Variants in AMPH observed in about 807,000 individuals in gnomAD.
The protein encoded by AMPH is amphiphysin.
AMPH carries 49 observed loss-of-function variants against 99.1 expected under a neutral mutation model. The observed-to-expected ratio is 0.49, with a 90% confidence interval of 0.39 to 0.63. The LOEUF (loss-of-function observed/expected upper bound fraction) is 0.63. Among genes scored for constraint, AMPH ranks in the 20% least tolerant of loss-of-function variants. The pLI, the probability that AMPH is intolerant of heterozygous loss-of-function variation, is 0.00. For synonymous variants in AMPH, 314 were observed against 317.3 expected (o/e 0.99, Z 0.11); for missense variants, 759 against 863.4 (o/e 0.88, Z 1.52).
chr7:38,447,277 C>A (rs1786824235), intron 11 of AMPH, among the ~76,000 whole-genome samples: 1 of 152,126 alleles, frequency 6.6e-6, no homozygotes, highest in Non-Finnish European at 1.5e-5. Flanking sequence ...CCTTGGCCTC[C>A]CAAAGTGCTG....
chr7:38,487,936 T>C (rs558116968), intron 5 of AMPH, among the ~76,000 whole-genome samples: 32 of 152,242 alleles, frequency 2.1e-4, no homozygotes, highest in African/African-American at 7.2e-4. Context: ...CTCATCATCA[T>C]TGGTCATTAG....
chr7:38,470,737 G>C (rs1441781007), intron 7 of AMPH, among the ~76,000 whole-genome samples: 1 of 151,968 alleles, frequency 6.6e-6, no homozygotes, highest in Non-Finnish European at 1.5e-5. Flanking sequence ...TTTAGACTTA[G>C]CTTAATAGAC....
At chr7:38,510,868 G>A (rs147798210) in intron 2 of AMPH, among the ~76,000 whole-genome samples, 156 of 152,242 alleles carry the variant, frequency 1.0e-3, no homozygotes, top group African/African-American at 3.7e-3. Context: ...TGTGAATAAA[G>A]ATATCAATTG....
intron 11 of AMPH, among the ~76,000 whole-genome samples, chr7:38,457,142 C>A (rs1787265867): frequency 6.6e-6 from 1 of 152,080 alleles, no homozygotes; most frequent in Non-Finnish European, 1.5e-5. Flanking sequence ...GAAGAAGCAA[C>A]CAGATTGGAA....
intron 2 of AMPH, among the ~76,000 whole-genome samples, chr7:38,530,577 C>T (rs1346167910): frequency 6.6e-6 from 1 of 152,214 alleles, no homozygotes; most frequent in Non-Finnish European, 1.5e-5. Context: ...AGTTGGTTAT[C>T]TGGGCTCAAC....
At chr7:38,449,531 T>C (rs1444774737) in intron 11 of AMPH, among the ~76,000 whole-genome samples, 1 of 152,174 alleles carries the variant, frequency 6.6e-6, no homozygotes, top group Non-Finnish European at 1.5e-5. Flanking sequence ...GTCAGAACCT[T>C]GAAAGATAGT....
chr7:38,504,972 T>C (rs980887632), intron 2 of AMPH, among the ~76,000 whole-genome samples: 1 of 152,220 alleles, frequency 6.6e-6, no homozygotes, highest in African/African-American at 2.4e-5. Context: ...TCAATAGCCA[T>C]GTTCAATTTA....
intron 18 of AMPH, 90 bp from the exon 19 acceptor site, chr7:38,392,107 A>C: frequency 7.4e-7 from 1 of 1,356,668 alleles, no homozygotes; most frequent in Non-Finnish European, 1.0e-6. Flanking sequence ...CCCCAGCCCA[A>C]AGCTGGGGCT....
At chr7:38,416,549 C>T (rs946772420) in intron 17 of AMPH, among the ~76,000 whole-genome samples, 3 of 152,160 alleles carry the variant, frequency 2.0e-5, no homozygotes, top group African/African-American at 7.2e-5. Flanking sequence ...AAATCAATAT[C>T]TTTTTAACTC....
chr7:38,585,460 G>T (rs1792610724), intron 1 of AMPH, among the ~76,000 whole-genome samples: 1 of 152,200 alleles, frequency 6.6e-6, no homozygotes, highest in African/African-American at 2.4e-5. Flanking sequence ...AAAGTAAGAA[G>T]ATGCTGTCAT....
chr7:38,499,618 T>C (rs1453984670), intron 3 of AMPH, among the ~76,000 whole-genome samples: 1 of 152,164 alleles, frequency 6.6e-6, no homozygotes, highest in Admixed American at 6.5e-5. Flanking sequence ...GCTACCTGTG[T>C]TATAGCAGGA....
At chr7:38,392,854 C>T (rs1047697496) in intron 18 of AMPH, 2 of 152,312 alleles carry the variant, frequency 1.3e-5, no homozygotes, top group African/African-American at 4.8e-5. Context: ...ACTAGTCCTT[C>T]GCTTGTGATT....
intron 1 of AMPH, among the ~76,000 whole-genome samples, chr7:38,609,629 T>C (rs1793556761): frequency 6.6e-6 from 1 of 152,200 alleles, no homozygotes; most frequent in South Asian, 2.1e-4. Flanking sequence ...GATCTGGATC[T>C]AAGGCTATCT....
intron 2 of AMPH, chr7:38,531,119 A>G (rs1790382324): frequency 6.6e-6 from 1 of 152,140 alleles, no homozygotes; most frequent in Non-Finnish European, 1.5e-5. Context: ...TGATCAGCAT[A>G]GGAGTTTTGA....
At chr7:38,542,410 G>A (rs1790837818) in intron 1 of AMPH, among the ~76,000 whole-genome samples, 1 of 152,158 alleles carries the variant, frequency 6.6e-6, no homozygotes, top group Non-Finnish European at 1.5e-5. Context: ...TTTAGATCAT[G>A]TAAATTAGTC....
chr7:38,393,324 T>C (rs1415114777), intron 18 of AMPH, among the ~76,000 whole-genome samples: 1 of 152,206 alleles, frequency 6.6e-6, no homozygotes, highest in Non-Finnish European at 1.5e-5. Context: ...AAACAATGCA[T>C]ACCATTAAGC....
chr7:38,389,813 T>C lies in AMPH; in HGVS notation c.1971A>G (p.Glu657=), dbSNP rs1423957995. The change falls in exon 20 of 21, where the codon GAA becomes GAG. Residue 657 remains glutamate (E), a synonymous_variant. Transcript: ENST00000356264. ...DVVLVVPSDS[E]ADQDAGWLVG... ...CTATCTTTTCTTTTACCTGATCAGCTTCTGAATCTGAGGGGACCACCAGCA... is the reference window on the plus strand; with the variant it reads ...CTATCTTTTCTTTTACCTGATCAGCCTCTGAATCTGAGGGGACCACCAGCA... The C allele has an allele frequency of 6.2e-7, 1 of 1,613,378 alleles. No individual in the cohort carries two copies. Among genetic ancestry groups the C allele is most frequent in the Non-Finnish European group, 8.5e-7 (1 of 1,179,564 alleles).
At chr7:38,489,757 A>G (rs1788651034) in intron 5 of AMPH, among the ~76,000 whole-genome samples, 1 of 152,146 alleles carries the variant, frequency 6.6e-6, no homozygotes, top group Non-Finnish European at 1.5e-5. Flanking sequence ...ACAACCTCAG[A>G]GAAGCAAAGA....
At chr7:38,611,901 C>T (rs74757663) in intron 1 of AMPH, among the ~76,000 whole-genome samples, 1,535 of 152,150 alleles carry the variant, frequency 0.01, 33 homozygotes, top group African/African-American at 0.036. Flanking sequence ...GACAAGATAG[C>T]TAAATCACAG....
Sources: allele counts gnomAD v4.1 joint callset (sites outside exome capture counted in the v4.1 genomes callset), GRCh38; gene constraint gnomAD v4.1.1; transcripts MANE v1.5; gene names NCBI Gene and HGNC (gene_info 2026-07-23, HGNC 2026-07-21).